RAPGEF2: variants seen among roughly 807,000 people sequenced by gnomAD.
The protein encoded by RAPGEF2 is PDZ domain containing guanine nucleotide exchange factor (GEF) 1.
Under a neutral mutation model 186.7 loss-of-function variants are expected in RAPGEF2, and 54 were observed. The ratio of observed to expected loss-of-function variants is 0.29; its 90% CI spans 0.23 to 0.36. RAPGEF2 has a LOEUF of 0.36. Ranked by LOEUF, RAPGEF2 falls within the 10% of genes least tolerant of loss-of-function variation. The pLI is 1.00. For synonymous variants in RAPGEF2, 712 were observed against 705.9 expected, an observed-to-expected ratio of 1.01 and a Z score of -0.14; for missense variants, 1,532 against 2,045.0, an observed-to-expected ratio of 0.75 and a Z score of 4.84.
intron 7 of RAPGEF2, among the ~76,000 whole-genome samples, chr4:159,271,921 C>T (rs1182313513): frequency 6.6e-6 from 1 of 152,036 alleles, no homozygotes; most frequent in East Asian, 1.9e-4. Flanking sequence ...GAATAGTTGC[C>T]ATTTAGCCCA....
At chr4:159,280,962 C>T (rs78092807) in intron 7 of RAPGEF2, among the ~76,000 whole-genome samples, 3 of 149,034 alleles carry the variant, frequency 2.0e-5, no homozygotes, top group Admixed American at 6.7e-5. Context: ...CTGTACAATG[C>T]GTAGACAAGT....
At chr4:159,209,401 T>C (rs1033593622) in intron 3 of RAPGEF2, among the ~76,000 whole-genome samples, 6 of 152,218 alleles carry the variant, frequency 3.9e-5, no homozygotes, top group African/African-American at 1.4e-4. Flanking sequence ...ACCCTGACCT[T>C]GCGAGGCAGT....
At chr4:159,129,653 C>T (rs182008257) in intron 1 of RAPGEF2, among the ~76,000 whole-genome samples, 32 of 152,260 alleles carry the variant, frequency 2.1e-4, no homozygotes, top group African/African-American at 7.0e-4. Flanking sequence ...CTCTACTCCC[C>T]CTATAATAAG....
At chr4:159,224,423 G>T (rs1237867641) in intron 4 of RAPGEF2, among the ~76,000 whole-genome samples, 1 of 152,190 alleles carries the variant, frequency 6.6e-6, no homozygotes, top group Non-Finnish European at 1.5e-5. Context: ...ATATAGAAAA[G>T]ACTTTAGAGT....
At chr4:159,242,679 T>TA (rs1213333105) in intron 6 of RAPGEF2, among the ~76,000 whole-genome samples, 2 of 149,664 alleles carry the variant, frequency 1.3e-5, no homozygotes, top group African/African-American at 5.0e-5. Context: ...AGACTAGTAT[T>TA]AAAAAAACCA....
chr4:159,335,474 A>C (rs1767272065), intron 17 of RAPGEF2, among the ~76,000 whole-genome samples: 2 of 152,186 alleles, frequency 1.3e-5, no homozygotes, highest in South Asian at 4.1e-4. Flanking sequence ...TCTGGATGAC[A>C]GAGATGTAGG....
At chr4:159,192,295 C>G (rs1026333034) in intron 2 of RAPGEF2, among the ~76,000 whole-genome samples, 1 of 151,742 alleles carries the variant, frequency 6.6e-6, no homozygotes, top group East Asian at 1.9e-4. Flanking sequence ...GGTGGGAACG[C>G]GAAGAACAAG....
chr4:159,281,763 TTGTG>T (rs1037526543), intron 7 of RAPGEF2, among the ~76,000 whole-genome samples: 2 of 151,976 alleles, frequency 1.3e-5, no homozygotes, highest in Admixed American at 6.6e-5. Context: ...CTGTGTGTGT[TTGTG>T]TGTGTGATTT....
chr4:159,201,148 A>G (rs1749364946), intron 3 of RAPGEF2, among the ~76,000 whole-genome samples: 1 of 152,198 alleles, frequency 6.6e-6, no homozygotes, highest in African/African-American at 2.4e-5. Flanking sequence ...CCATTTGACT[A>G]TACAAAAATA....
intron 4 of RAPGEF2, among the ~76,000 whole-genome samples, chr4:159,226,023 ACTTTTAGTGTC>A (rs1166764574): frequency 1.3e-5 from 2 of 152,094 alleles, no homozygotes; most frequent in Non-Finnish European, 2.9e-5. Flanking sequence ...TATAATTTGT[ACTTTTAGTGTC>A]CTTGTTAAGA....
At chr4:159,200,060 C>A (rs80008538) in intron 3 of RAPGEF2, among the ~76,000 whole-genome samples, 2,849 of 151,396 alleles carry the variant, frequency 0.019, 43 homozygotes, top group East Asian at 0.045. Flanking sequence ...CTCTCTCTCT[C>A]TATATATATA....
chr4:159,287,006 T>C (rs1161624795), intron 7 of RAPGEF2, among the ~76,000 whole-genome samples: 3 of 152,166 alleles, frequency 2.0e-5, no homozygotes, highest in Non-Finnish European at 4.4e-5. Context: ...AGCCATTTGA[T>C]AAGTAATTAT....
rs572735664 is a variant in RAPGEF2 at position 159,103,972 on chromosome 4, AC to A, written c.-189del. ...GCTGCGTCCAGCCCCTCGCGCCTGT[AC>A]CGCGCTCTCGGCCGCCGGGCCCAGC... On this transcript the variant is annotated 5_prime_UTR_variant, in exon 1 of 30. Coordinates refer to ENST00000691494, the MANE Select transcript of RAPGEF2 (RefSeq NM_001394067.2). The A allele has an allele frequency of 2.3e-3, 356 of 154,032 alleles. No homozygotes were observed. The highest frequency in any genetic ancestry group is 8.2e-3 in the African/African-American group (338 of 41,248). 9.5% of individuals were successfully genotyped at this position (154,032 alleles called of 1,614,324 possible). A position where few individuals can be genotyped will look rare whatever the true frequency, so the allele number is the denominator to read the frequency against.
At chr4:159,172,376 C>T (rs1172104189) in intron 1 of RAPGEF2, among the ~76,000 whole-genome samples, 2 of 152,176 alleles carry the variant, frequency 1.3e-5, no homozygotes, top group Admixed American at 1.3e-4. Flanking sequence ...GAACCGTTCT[C>T]CTACCTTCCC....
At chr4:159,139,146 A>T (rs186507980) in intron 1 of RAPGEF2, among the ~76,000 whole-genome samples, 1 of 152,314 alleles carries the variant, frequency 6.6e-6, no homozygotes, top group African/African-American at 2.4e-5. Flanking sequence ...TGTGTATGGC[A>T]CTGTGTTGCC....
intron 4 of RAPGEF2, among the ~76,000 whole-genome samples, chr4:159,225,254 C>A (rs924481648): frequency 6.6e-6 from 1 of 152,082 alleles, no homozygotes; most frequent in Non-Finnish European, 1.5e-5. Context: ...TTTGCTGTAC[C>A]GCCCAACCCA....
intron 1 of RAPGEF2, among the ~76,000 whole-genome samples, chr4:159,148,735 T>G (rs1743205864): frequency 6.6e-6 from 1 of 152,172 alleles, no homozygotes; most frequent in African/African-American, 2.4e-5. Flanking sequence ...AATAGTACAG[T>G]GTACGTTTAT....
chr4:159,354,534 G>T (rs1308383141), intron 28 of RAPGEF2, among the ~76,000 whole-genome samples: 1 of 152,162 alleles, frequency 6.6e-6, no homozygotes, highest in Non-Finnish European at 1.5e-5. Context: ...CTTTGTGCAC[G>T]CTGTAGAAGG....
chr4:159,168,294 A>G (rs1745540635), intron 1 of RAPGEF2, among the ~76,000 whole-genome samples: 1 of 152,186 alleles, frequency 6.6e-6, no homozygotes, highest in African/African-American at 2.4e-5. Flanking sequence ...AGGCTGAGGA[A>G]TTACTACTAA....
Sources: gnomAD v4.1 joint callset for allele counts (sites outside exome capture counted in the v4.1 genomes callset) on GRCh38, gnomAD v4.1.1 for gene constraint, MANE v1.5 for transcripts, NCBI Gene and HGNC (gene_info 2026-07-23, HGNC 2026-07-21) for gene names.